CLCN1: variants seen among roughly 807,000 people sequenced by gnomAD.
CLCN1 encodes the protein chloride channel protein 1.
Under a neutral mutation model 114.5 loss-of-function variants are expected in CLCN1, and 100 were observed. That is an observed-to-expected ratio of 0.87 (90% CI 0.74 to 1.03). CLCN1 has a LOEUF of 1.03. CLCN1 is among the 50% of genes least tolerant of loss of function. The pLI is 0.00. For missense variants in CLCN1, 1,188 were observed against 1,250.0 expected, an observed-to-expected ratio of 0.95 and a Z score of 0.75; for synonymous variants, 485 against 487.1, an observed-to-expected ratio of 1.00 and a Z score of 0.06.
intron 16 of CLCN1, among the ~76,000 whole-genome samples, chr7:143,343,299 G>C (rs1803138433): frequency 6.6e-6 from 1 of 152,148 alleles, no homozygotes; most frequent in African/African-American, 2.4e-5. Flanking sequence ...TATATTTGGT[G>C]GTCATTTTTA....
chr7:143,328,558 G>C (rs1341783040), intron 7 of CLCN1, among the ~76,000 whole-genome samples: 2 of 152,184 alleles, frequency 1.3e-5, no homozygotes, highest in African/African-American at 4.8e-5. Context: ...TCGTAGGAAA[G>C]AAAACCTAGC....
Position 143,330,855 on chromosome 7 carries a change from G to C in CLCN1, c.937G>C (p.Ala313Pro). ...AGGATTCTTTGCAGCCACGTTCAGCGCCTTTGTGTTTCGAGTGCTGGCAGT... is the reference window on the plus strand; with the variant it reads ...AGGATTCTTTGCAGCCACGTTCAGCCCCTTTGTGTTTCGAGTGCTGGCAGT... ...WRGFFAATFS[A>P]FVFRVLAVWN... Residue 313 changes from alanine (A) to proline (P), a missense_variant, in exon 8 of 23, where the codon GCC becomes CCC. Transcript: ENST00000343257. 1 of 1,614,188 alleles carries C rather than the reference G, an allele frequency of 6.2e-7. No homozygotes were observed. The highest frequency in any genetic ancestry group is 8.5e-7 in the Non-Finnish European group (1 of 1,180,042).
In CLCN1 at chr7:143,339,022, A is replaced by C. The variant is rs188553344; in HGVS notation, c.1402-231A>C. On this transcript the variant is annotated intron_variant, in intron 12 of 22. Coordinates refer to ENST00000343257, the MANE Select transcript of CLCN1 (RefSeq NM_000083.3). This position sits in a 1 kb window ranked among gnomAD's most constrained non-coding sequence, Gnocchi z 4.1. ...AATACAGGCACTCAAAGTAGAAGGG[A>C]TTTGGTCTAGCCATCTAGAGGAACC... Among the ~76,000 whole-genome samples, 189 of 152,264 alleles carry C rather than the reference A, an allele frequency of 1.2e-3. No homozygotes were observed. Among genetic ancestry groups the C allele is most frequent in the Non-Finnish European group, 2.0e-3 (135 of 68,022 alleles).
In CLCN1 at chr7:143,324,405, C is replaced by A. The variant is rs762190011; in HGVS notation, c.775-9C>A. 1.9e-6 allele frequency: 3 copies of A among 1,608,682 alleles called. No individual in the cohort carries two copies. The highest frequency in any genetic ancestry group is 2.6e-6 in the Non-Finnish European group (3 of 1,175,292). On this transcript the variant is annotated splice_polypyrimidine_tract_variant and intron_variant, in intron 6 of 22. Coordinates refer to ENST00000343257, the MANE Select transcript of CLCN1 (RefSeq NM_000083.3). This position sits in a 1 kb window ranked among gnomAD's most constrained non-coding sequence, Gnocchi z 4.6. ...CCACCTGTTTCTCTGTCTGTCTCTC[C>A]CCTAGTAGCAGCCATACTACTACTC...
chr7:143,345,455 G>C, intron 16 of CLCN1, 66 bp from the exon 17 acceptor site: 1 of 1,472,090 alleles, frequency 6.8e-7, no homozygotes, highest in Non-Finnish European at 9.0e-7. Flanking sequence ...CTTCTCAGGA[G>C]TGCGGAGCGC....
intron 11 of CLCN1, 35 bp downstream of exon 11, chr7:143,332,538 A>G (rs970210866): frequency 1.3e-6 from 2 of 1,564,156 alleles, no homozygotes; most frequent in Non-Finnish European, 1.8e-6. Context: ...GTAAAGAGGA[A>G]ACAGCACAGA....
intron 16 of CLCN1, among the ~76,000 whole-genome samples, chr7:143,343,597 G>A (rs1475752012): frequency 6.6e-6 from 1 of 152,230 alleles, no homozygotes. Flanking sequence ...GACAATTAAT[G>A]TAAATCCCAT....
intron 7 of CLCN1, among the ~76,000 whole-genome samples, chr7:143,325,293 G>T (rs112678153): frequency 5.4e-4 from 83 of 152,352 alleles, no homozygotes; most frequent in African/African-American, 1.9e-3. Flanking sequence ...CTTCTTAAAT[G>T]ACCCACTGTT....
At chr7:143,323,196 G>C in intron 5 of CLCN1, 113 bp from the exon 6 acceptor site, 1 of 736,632 alleles carries the variant, frequency 1.4e-6, no homozygotes, top group South Asian at 1.4e-5. Context: ...TGTAACTCCC[G>C]TATTTCCAGC....
At chr7:143,317,244 CTTTTTTTTTT>C (rs1207676166) in intron 1 of CLCN1, among the ~76,000 whole-genome samples, 1 of 113,766 alleles carries the variant, frequency 8.8e-6, no homozygotes, top group Non-Finnish European at 1.8e-5. Flanking sequence ...TTGGCCAGAA[CTTTTTTTTTT>C]TTTTTTTTTT....
rs540106533 is a variant in CLCN1, at chr7:143,332,686, C to T, written c.1252-38C>T. On this transcript the variant is annotated intron_variant, in intron 11 of 22. Coordinates refer to ENST00000343257, the MANE Select transcript of CLCN1 (RefSeq NM_000083.3). ...TCTAAAAAAGGAAGCACAGGAGTTCCCTGGAGAACCCACCCTTTCTGCTTC... is the reference window on the plus strand; with the variant it reads ...TCTAAAAAAGGAAGCACAGGAGTTCTCTGGAGAACCCACCCTTTCTGCTTC... 25 of 1,613,002 alleles carry T rather than the reference C, an allele frequency of 1.5e-5. No homozygotes were observed. In the African/African-American group the frequency reaches 2.0e-4, roughly 13 times the overall value.
rs760261738 is a variant in CLCN1 at position 143,350,662 on chromosome 7, C to T, written c.2595+8C>T. On this transcript the variant is annotated splice_region_variant and intron_variant, in intron 22 of 22. Coordinates refer to ENST00000343257, the MANE Select transcript of CLCN1 (RefSeq NM_000083.3). The surrounding 1 kb of genome is among the most constrained non-coding windows in gnomAD (Gnocchi z 5.1). ...GTCCTGGCCCTGGAGGAGGTAATCA[C>T]GATGTGTCCCATTTGAGCAGCAGGA... is the stretch of plus-strand genomic sequence containing the variant. 21 of 1,609,198 alleles carry T rather than the reference C, an allele frequency of 1.3e-5. No individual in the cohort carries two copies. In the East Asian group the frequency reaches 1.8e-4, roughly 14 times the overall value.
At chr7:143,346,879 A>T in intron 19 of CLCN1, 32 bp from the exon 20 acceptor site, 1 of 1,609,608 alleles carries the variant, frequency 6.2e-7, no homozygotes, top group Non-Finnish European at 8.5e-7. Context: ...AAGAAAAGGG[A>T]AAGAACTTGG....
chr7:143,348,742 A>G (rs960385436), intron 20 of CLCN1, among the ~76,000 whole-genome samples: 3 of 152,218 alleles, frequency 2.0e-5, no homozygotes, highest in Non-Finnish European at 4.4e-5. Context: ...TTAATTCTGC[A>G]TACTCTGGAG....
intron 11 of CLCN1, 99 bp downstream of exon 11, chr7:143,332,602 A>T: frequency 6.6e-7 from 1 of 1,514,338 alleles, no homozygotes; most frequent in Non-Finnish European, 9.2e-7. Flanking sequence ...GACTTTCTAG[A>T]TTCTCCCTGA....
In CLCN1 at chr7:143,351,731, G is replaced by T. The variant is rs376263213; in HGVS notation, c.2733G>T (p.Glu911Asp). Residue 911 changes from glutamate to aspartate, a missense_variant, in exon 23 of 23, where the codon GAG (glutamate) becomes GAT (aspartate). Glu to Asp is a conservative substitution (Grantham distance 45, BLOSUM62 2). Transcript: ENST00000343257. Reference protein sequence around the residue: ...PSSAENWNLPEDRPGATGTGD... With the variant: ...PSSAENWNLPDDRPGATGTGD... ...CTGCAGAGAACTGGAACCTGCCTGAGGACAGGCCTGGGGCCACTGGAACAG... is the reference window on the plus strand; with the variant it reads ...CTGCAGAGAACTGGAACCTGCCTGATGACAGGCCTGGGGCCACTGGAACAG... 3 of 1,614,052 alleles carry T rather than the reference G, an allele frequency of 1.9e-6. No homozygotes were observed. The African/African-American group carries it at 4.0e-5, about 22-fold the overall frequency.
At chr7:143,319,979 A>G (rs1802383916) in intron 2 of CLCN1, 104 bp downstream of exon 2, 5 of 1,224,250 alleles carry the variant, frequency 4.1e-6, no homozygotes, top group Non-Finnish European at 6.0e-6. Flanking sequence ...CTGCCCTGCT[A>G]CAAAAACTCT....
At position 143,316,347 on chromosome 7, in the gene CLCN1, GC is replaced by G; in HGVS notation, c.136del (p.Leu46SerfsTer31). On this transcript the variant is annotated frameshift_variant, in exon 1 of 23. Coordinates refer to ENST00000343257, the MANE Select transcript of CLCN1 (RefSeq NM_000083.3). LOFTEE classifies it high-confidence loss of function. ...PSENGGLQHR[L>X]RKDAGPRHNV... is the part of the protein sequence containing the mutation. ...CTGAGAATGGGGGCCTCCAGCACAG[GC>G]TCCGGAAGGATGCAGGCCCCCGCCA... 6.2e-7 allele frequency: 1 copy of G among 1,611,866 alleles called. No homozygotes were observed. Among genetic ancestry groups the G allele is most frequent in the Non-Finnish European group, 8.5e-7 (1 of 1,179,966 alleles).
intron 20 of CLCN1, among the ~76,000 whole-genome samples, chr7:143,347,403 C>T (rs1358050540): frequency 6.6e-6 from 1 of 151,316 alleles, no homozygotes; most frequent in Non-Finnish European, 1.5e-5. Context: ...GGCAGATCAC[C>T]TGAGGTCAGG....
Sources: gnomAD v4.1 joint callset for allele counts (sites outside exome capture counted in the v4.1 genomes callset) on GRCh38, gnomAD v4.1.1 for gene constraint, Gnocchi (gnomAD v3.1) non-coding constraint, MANE v1.5 for transcripts, NCBI Gene and HGNC (gene_info 2026-07-23, HGNC 2026-07-21) for gene names.